Variants in ZFHX3 observed in about 807,000 individuals in gnomAD.
ZFHX3 encodes the protein zinc finger homeobox protein 3.
ZFHX3 carries 42 observed loss-of-function variants against 279.1 expected under a neutral mutation model. The observed-to-expected ratio is 0.15, with a 90% CI of 0.12 to 0.19. The LOEUF (loss-of-function observed/expected upper bound fraction) is 0.19, where lower values mean the gene tolerates loss of function less well. Among genes scored for constraint, ZFHX3 ranks in the 10% least tolerant of loss-of-function variants. The pLI, the probability that ZFHX3 is intolerant of heterozygous loss-of-function variation, is 1.00. For synonymous variants in ZFHX3, 2,293 were observed against 1,957.8 expected (o/e 1.17, Z -4.52); for missense variants, 4,981 against 4,754.0 (o/e 1.05, Z -1.40).
intron 5 of ZFHX3, among the ~76,000 whole-genome samples, chr16:73,168,849 C>T (rs913493293): frequency 6.6e-6 from 1 of 152,182 alleles, no homozygotes; most frequent in Non-Finnish European, 1.5e-5. Flanking sequence ...TTCAAGTCAC[C>T]TCCTTGTCCA....
At chr16:73,680,917 TCA>T (rs373316899) in intron 1 of ZFHX3, among the ~76,000 whole-genome samples, 15 of 152,268 alleles carry the variant, frequency 9.9e-5, no homozygotes, top group African/African-American at 3.4e-4. Context: ...GTGAGCAGGA[TCA>T]CACAGAGTAT....
intron 2 of ZFHX3, among the ~76,000 whole-genome samples, chr16:73,632,843 G>A (rs774786646): frequency 3.1e-4 from 47 of 152,190 alleles, no homozygotes; most frequent in Non-Finnish European, 5.7e-4. Flanking sequence ...TTGGGAGGCC[G>A]AGGCAGGTAG....
At chr16:73,129,654 A>C (rs1966638931) in intron 7 of ZFHX3, among the ~76,000 whole-genome samples, 1 of 150,882 alleles carries the variant, frequency 6.6e-6, no homozygotes, top group Non-Finnish European at 1.5e-5. Context: ...GCGTGTGTGC[A>C]TGTATGTGTG....
At chr16:73,620,911 G>C (rs1032438968) in intron 2 of ZFHX3, among the ~76,000 whole-genome samples, 4 of 152,192 alleles carry the variant, frequency 2.6e-5, no homozygotes, top group African/African-American at 9.7e-5. Flanking sequence ...CAGATCTTTG[G>C]GTGAGACACA....
intron 4 of ZFHX3, among the ~76,000 whole-genome samples, chr16:73,263,546 C>T (rs1050383930): frequency 3.3e-5 from 5 of 152,184 alleles, no homozygotes; most frequent in Non-Finnish European, 7.4e-5. Context: ...TCCCTACCCA[C>T]ATGTTGCCTG....
intron 8 of ZFHX3, among the ~76,000 whole-genome samples, chr16:73,082,064 T>C (rs1052643745): frequency 6.6e-6 from 1 of 152,070 alleles, no homozygotes; most frequent in African/African-American, 2.4e-5. Flanking sequence ...CTTGAATTCC[T>C]GACCTCAGGT....
At chr16:73,231,717 G>A (rs986598165) in intron 5 of ZFHX3, among the ~76,000 whole-genome samples, 9 of 152,104 alleles carry the variant, frequency 5.9e-5, no homozygotes, top group African/African-American at 2.2e-4. Flanking sequence ...CTAATATTGG[G>A]TTTCACCACG....
intron 2 of ZFHX3, among the ~76,000 whole-genome samples, chr16:73,612,795 C>G (rs2052260346): frequency 6.6e-6 from 1 of 152,020 alleles, no homozygotes; most frequent in African/African-American, 2.4e-5. Flanking sequence ...ATGAAATTAG[C>G]TGCATTCTGA....
At chr16:73,659,012 G>C (rs2052751676) in intron 2 of ZFHX3, among the ~76,000 whole-genome samples, 1 of 152,090 alleles carries the variant, frequency 6.6e-6, no homozygotes, top group African/African-American at 2.4e-5. Flanking sequence ...GAAAAATTAA[G>C]AGTTGATAGG....
rs558605674 is a variant in ZFHX3, at chr16:72,863,203, T to TA, written c.3448+26527dup. ...GGGTCTGATATTGCAGTCTTGTTAATAAAAAAAGAGAGATACAGGTCAGGC... is the reference window on the plus strand; with the variant it reads ...GGGTCTGATATTGCAGTCTTGTTAATAAAAAAAAGAGAGATACAGGTCAGGC... On this transcript the variant is annotated intron_variant, in intron 4 of 9. Transcript: ENST00000268489. 1.1e-4 allele frequency among the ~76,000 whole-genome samples: 16 copies of TA among 151,616 alleles called. No individual in the cohort carries two copies. The South Asian group carries it at 1.9e-3, about 18-fold the overall frequency.
At chr16:73,505,359 G>A (rs574613368) in intron 2 of ZFHX3, among the ~76,000 whole-genome samples, 7 of 152,104 alleles carry the variant, frequency 4.6e-5, no homozygotes, top group African/African-American at 1.2e-4. Context: ...GAAGCAGGGC[G>A]TGAACAGTAG....
chr16:73,585,032 C>T (rs1292670148), intron 2 of ZFHX3, among the ~76,000 whole-genome samples: 1 of 152,194 alleles, frequency 6.6e-6, no homozygotes, highest in East Asian at 1.9e-4. Context: ...GAAATACCTT[C>T]TCACACCAGT....
chr16:73,690,938 A>G lies in ZFHX3; in HGVS notation c.-1607-10698T>C, dbSNP rs376491798. On this transcript the variant is annotated intron_variant, in intron 1 of 17. Coordinates refer to the ZFHX3 transcript ENST00000641206. Reference sequence around the variant, plus strand: ...TAAAGGGTGATTGTTTTGAGCCTCTATGGTTTGGAGTAGTTTGTTATTCAT... The same window carrying G: ...TAAAGGGTGATTGTTTTGAGCCTCTGTGGTTTGGAGTAGTTTGTTATTCAT... Among the ~76,000 whole-genome samples the G allele has an allele frequency of 3.0e-4, 45 of 152,320 alleles. No individual in the cohort carries two copies. The East Asian group carries it at 5.4e-3, about 18-fold the overall frequency.
chr16:73,683,010 A>T (rs1030212250), intron 1 of ZFHX3, among the ~76,000 whole-genome samples: 1 of 53,582 alleles, frequency 1.9e-5, no homozygotes, highest in Non-Finnish European at 5.6e-5. Flanking sequence ...AAAGAAAGAA[A>T]GAGAAAGGAG....
chr16:72,921,213 C>G (rs996182679), intron 3 of ZFHX3, among the ~76,000 whole-genome samples: 2 of 152,172 alleles, frequency 1.3e-5, no homozygotes, highest in African/African-American at 2.4e-5. Context: ...TCCCGCCACA[C>G]CCTACATCAT....
intron 7 of ZFHX3, among the ~76,000 whole-genome samples, chr16:73,101,540 A>G (rs115243150): frequency 0.032 from 4,790 of 151,842 alleles, 274 homozygotes; most frequent in African/African-American, 0.11. Flanking sequence ...CACCACGCCC[A>G]GCTAATTTTT....
chr16:73,351,288 A>G (rs920263501), intron 3 of ZFHX3, among the ~76,000 whole-genome samples: 2 of 152,194 alleles, frequency 1.3e-5, no homozygotes, highest in African/African-American at 4.8e-5. Flanking sequence ...AGGTCACCGC[A>G]CTGGGCCTGC....
chr16:73,259,135 C>T (rs908221068), intron 4 of ZFHX3, among the ~76,000 whole-genome samples: 2 of 152,172 alleles, frequency 1.3e-5, no homozygotes, highest in African/African-American at 2.4e-5. Context: ...CAAGTCACAG[C>T]GCGGGGAACA....
At chr16:73,554,395 A>C (rs1198366421) in intron 2 of ZFHX3, 6 of 152,190 alleles carry the variant, frequency 3.9e-5, no homozygotes, top group Non-Finnish European at 8.8e-5. Flanking sequence ...TGCATTCTCC[A>C]AGTTAGTGAA....
Sources: allele counts gnomAD v4.1 joint callset (sites outside exome capture counted in the v4.1 genomes callset), GRCh38; gene constraint gnomAD v4.1.1; transcripts MANE v1.5; gene names NCBI Gene and HGNC (gene_info 2026-07-23, HGNC 2026-07-21).